The following WDR70 variants were observed in gnomAD, a reference collection of about 807,000 sequenced individuals.
WDR70 encodes the protein WD repeat domain 70, also known as WD repeat-containing protein 70.
Under a neutral mutation model 88.6 loss-of-function variants are expected in WDR70, and 53 were observed. The ratio of observed to expected loss-of-function variants is 0.60; its 90% confidence interval spans 0.48 to 0.75. The LOEUF (loss-of-function observed/expected upper bound fraction) is 0.75, where lower values mean the gene tolerates loss of function less well. Ranked by LOEUF, WDR70 falls within the 30% of genes least tolerant of loss-of-function variation. The pLI is 0.00. For synonymous variants in WDR70, 280 were observed against 270.0 expected (o/e 1.04, Z -0.36); for missense variants, 610 against 823.2 (o/e 0.74, Z 3.17).
chr5:37,553,902 A>G (rs1338317979), intron 9 of WDR70, among the ~76,000 whole-genome samples: 4 of 152,188 alleles, frequency 2.6e-5, no homozygotes, highest in Non-Finnish European at 5.9e-5. Flanking sequence ...TCATGTACTT[A>G]AAGTGCTAAG....
intron 8 of WDR70, among the ~76,000 whole-genome samples, chr5:37,489,988 CT>C (rs1321743800): frequency 1.3e-5 from 2 of 152,076 alleles, no homozygotes; most frequent in African/African-American, 2.4e-5. Context: ...TCAGGTCCCC[CT>C]GATGGTCCAA....
chr5:37,736,322 G>A (rs1316248325), intron 17 of WDR70, among the ~76,000 whole-genome samples: 3 of 152,058 alleles, frequency 2.0e-5, no homozygotes, highest in Admixed American at 6.6e-5. Flanking sequence ...GTCTGATATT[G>A]GATATATGAA....
chr5:37,623,516 T>C (rs543365591), intron 10 of WDR70, among the ~76,000 whole-genome samples: 140 of 152,296 alleles, frequency 9.2e-4, no homozygotes, highest in Admixed American at 2.3e-3. Context: ...AAGCTGATAA[T>C]AGTAAATAGA....
intron 10 of WDR70, among the ~76,000 whole-genome samples, chr5:37,644,392 C>G (rs1228774172): frequency 6.6e-6 from 1 of 151,824 alleles, no homozygotes; most frequent in East Asian, 1.9e-4. Flanking sequence ...CTGGTATTTT[C>G]TGGAGGGTTT....
At chr5:37,401,463 G>A (rs777600999) in intron 5 of WDR70, among the ~76,000 whole-genome samples, 15 of 151,716 alleles carry the variant, frequency 9.9e-5, no homozygotes, top group Non-Finnish European at 2.1e-4. Flanking sequence ...TTACAGGCAC[G>A]CGCCACTGCA....
intron 10 of WDR70, among the ~76,000 whole-genome samples, chr5:37,663,201 A>T (rs917208719): frequency 3.3e-5 from 5 of 152,232 alleles, no homozygotes; most frequent in African/African-American, 1.2e-4. Context: ...TTAGTTTTGT[A>T]ATAGAGCATT....
chr5:37,428,253 A>T (rs1750196482), intron 5 of WDR70, among the ~76,000 whole-genome samples: 1 of 152,244 alleles, frequency 6.6e-6, no homozygotes, highest in Admixed American at 6.5e-5. Flanking sequence ...TATCAGCAAA[A>T]AAAGTAAAAA....
intron 9 of WDR70, among the ~76,000 whole-genome samples, chr5:37,562,079 T>C (rs1742523047): frequency 6.6e-6 from 1 of 152,236 alleles, no homozygotes; most frequent in Non-Finnish European, 1.5e-5. Context: ...CATACTAGGC[T>C]GGGCGCGGTG....
chr5:37,385,518 C>CAA (rs1160087859), intron 3 of WDR70, among the ~76,000 whole-genome samples: 3,137 of 66,818 alleles, frequency 0.047, 285 homozygotes, highest in African/African-American at 0.16. Context: ...GAGCCTGTCT[C>CAA]AAAAAAAAAA....
chr5:37,388,446 T>C (rs1319653872), intron 3 of WDR70, among the ~76,000 whole-genome samples: 1 of 114,316 alleles, frequency 8.7e-6, no homozygotes, highest in Non-Finnish European at 1.8e-5. Flanking sequence ...TTTTTAGAAG[T>C]GTTACACTAG....
At chr5:37,557,957 A>ACTCTTTTGAAATCTC in intron 9 of WDR70, among the ~76,000 whole-genome samples, 2 of 139,250 alleles carry the variant, frequency 1.4e-5, no homozygotes, top group Non-Finnish European at 3.2e-5. Context: ...TCAAAAGAGT[A>ACTCTTTTGAAATCTC]TTATGTATAT....
intron 5 of WDR70, among the ~76,000 whole-genome samples, chr5:37,401,580 G>A (rs905119552): frequency 2.0e-5 from 3 of 152,066 alleles, no homozygotes; most frequent in Admixed American, 2.0e-4. Context: ...GCCTCCCAAA[G>A]TGCTAGGATT....
chr5:37,420,858 G>A (rs1218717348), intron 5 of WDR70, among the ~76,000 whole-genome samples: 1 of 151,970 alleles, frequency 6.6e-6, no homozygotes, highest in Non-Finnish European at 1.5e-5. Context: ...AGGTTGCAGT[G>A]AGCCGAGATC....
chr5:37,583,275 A>G (rs530421023), intron 9 of WDR70, among the ~76,000 whole-genome samples: 1 of 152,148 alleles, frequency 6.6e-6, no homozygotes, highest in African/African-American at 2.4e-5. Flanking sequence ...AAATACAAAA[A>G]GTTAGCCAGG....
intron 10 of WDR70, among the ~76,000 whole-genome samples, chr5:37,621,334 G>A (rs184320060): frequency 2.6e-5 from 4 of 152,040 alleles, no homozygotes; most frequent in East Asian, 1.9e-4. Context: ...TTCAGACAAC[G>A]TAACATTAAT....
At chr5:37,697,081 G>A (rs946411645) in intron 10 of WDR70, among the ~76,000 whole-genome samples, 3 of 152,160 alleles carry the variant, frequency 2.0e-5, no homozygotes, top group African/African-American at 7.2e-5. Context: ...AACTTACAGA[G>A]TGATTGTGAG....
At chr5:37,412,473 G>C (rs894522869) in intron 5 of WDR70, among the ~76,000 whole-genome samples, 1 of 151,934 alleles carries the variant, frequency 6.6e-6, no homozygotes, top group Admixed American at 6.6e-5. Flanking sequence ...AGGGATGAAG[G>C]AGGTTCTAAC....
At chr5:37,420,525 G>C (rs896013070) in intron 5 of WDR70, among the ~76,000 whole-genome samples, 1 of 151,936 alleles carries the variant, frequency 6.6e-6, no homozygotes, top group East Asian at 1.9e-4. Context: ...CTGCAACCTC[G>C]AACTCCTGGG....
At chr5:37,562,873 C>T (rs1561902904) in intron 9 of WDR70, among the ~76,000 whole-genome samples, 1 of 151,916 alleles carries the variant, frequency 6.6e-6, no homozygotes, top group African/African-American at 2.4e-5. Flanking sequence ...GGCAACCATT[C>T]GATTTCTCAA....
Sources: gnomAD v4.1 joint callset for allele counts (sites outside exome capture counted in the v4.1 genomes callset) on GRCh38, gnomAD v4.1.1 for gene constraint, MANE v1.5 for transcripts, NCBI Gene and HGNC (gene_info 2026-07-23, HGNC 2026-07-21) for gene names.